SPARCL1: variants seen among roughly 807,000 people sequenced by gnomAD.
SPARCL1 encodes SPARC like 1, also known as SPARC-like protein 1.
In SPARCL1, 52 loss-of-function variants were observed where a neutral mutation model predicts 67.1. The ratio of observed to expected loss-of-function variants is 0.78; its 90% CI spans 0.62 to 0.98. SPARCL1 has a LOEUF of 0.98. Among genes scored for constraint, SPARCL1 ranks in the 50% least tolerant of loss-of-function variants. SPARCL1 has a pLI of 0.00. For synonymous variants in SPARCL1, 226 were observed against 267.8 expected (o/e 0.84, Z 1.52); for missense variants, 717 against 782.4 (o/e 0.92, Z 1.00).
chr4:87,501,503 G>A (rs1336361664), intron 1 of SPARCL1, among the ~76,000 whole-genome samples: 5 of 151,862 alleles, frequency 3.3e-5, no homozygotes, highest in Non-Finnish European at 5.9e-5. Flanking sequence ...TTCTAGATTG[G>A]AGTATTTTTT....
At chr4:87,484,714 ATTTG>A (rs1723980877) in intron 7 of SPARCL1, among the ~76,000 whole-genome samples, 1 of 152,130 alleles carries the variant, frequency 6.6e-6, no homozygotes, top group Non-Finnish European at 1.5e-5. Context: ...ATCCATGAGC[ATTTG>A]TTTGTGTCCT....
At chr4:87,509,482 C>T (rs1261330915) in intron 1 of SPARCL1, among the ~76,000 whole-genome samples, 1 of 152,132 alleles carries the variant, frequency 6.6e-6, no homozygotes, top group African/African-American at 2.4e-5. Flanking sequence ...GAAGGTAATT[C>T]TTGATCTGAG....
At chr4:87,486,886 T>G (rs1430264396) in intron 7 of SPARCL1, among the ~76,000 whole-genome samples, 2 of 130,722 alleles carry the variant, frequency 1.5e-5, no homozygotes, top group African/African-American at 2.8e-5. Flanking sequence ...TTGCAATTCC[T>G]GCTTTTTTTT....
chr4:87,508,881 G>C (rs1049007868), intron 1 of SPARCL1, among the ~76,000 whole-genome samples: 11 of 83,206 alleles, frequency 1.3e-4, no homozygotes, highest in Non-Finnish European at 2.0e-4. Context: ...ATAGATACAT[G>C]TATATAAGTA....
At chr4:87,507,030 T>C (rs1419445688) in intron 1 of SPARCL1, among the ~76,000 whole-genome samples, 2 of 152,186 alleles carry the variant, frequency 1.3e-5, no homozygotes, top group African/African-American at 4.8e-5. Flanking sequence ...AATAAACAAC[T>C]TAGATTCTCA....
At chr4:87,509,129 A>T (rs1487883797) in intron 1 of SPARCL1, among the ~76,000 whole-genome samples, 1 of 150,714 alleles carries the variant, frequency 6.6e-6, no homozygotes, top group Admixed American at 6.6e-5. Context: ...TAATGTGATG[A>T]TTATGTACAT....
At chr4:87,523,176 G>A (rs1381065506) in intron 1 of SPARCL1, among the ~76,000 whole-genome samples, 3 of 151,666 alleles carry the variant, frequency 2.0e-5, no homozygotes, top group Non-Finnish European at 4.4e-5. Flanking sequence ...CAGAAGAATT[G>A]CTCCAGCCCA....
chr4:87,481,028 G>A (rs1723801122), intron 8 of SPARCL1, among the ~76,000 whole-genome samples: 1 of 152,080 alleles, frequency 6.6e-6, no homozygotes. Context: ...CTGTTTCATA[G>A]CTAATACCCT....
At chr4:87,506,621 AC>A (rs575785242) in intron 1 of SPARCL1, among the ~76,000 whole-genome samples, 205 of 152,258 alleles carry the variant, frequency 1.3e-3, no homozygotes, top group African/African-American at 4.9e-3. Flanking sequence ...AGGCCTTCAG[AC>A]TTGGACTAGA....
chr4:87,490,468 A>C, intron 6 of SPARCL1, 75 bp from the exon 7 acceptor site: 495 of 1,498,916 alleles, frequency 3.3e-4, no homozygotes, highest in Non-Finnish European at 4.1e-4. Flanking sequence ...CTTAAAGCTC[A>C]TATGCTGATA....
chr4:87,474,705 C>T (rs917003342), intron 10 of SPARCL1, among the ~76,000 whole-genome samples: 10 of 150,158 alleles, frequency 6.7e-5, no homozygotes, highest in Admixed American at 6.6e-4. Context: ...ACAGTGCCTG[C>T]ATTTATGTAG....
Position 87,480,369 on chromosome 4 carries a change from T to C in SPARCL1, c.1817+3A>G, listed in dbSNP as rs1166631353. The C allele has an allele frequency of 1.3e-6, 2 of 1,586,928 alleles. No homozygotes were observed. The highest frequency in any genetic ancestry group is 8.6e-7 in the Non-Finnish European group (1 of 1,168,698). On this transcript the variant is annotated splice_donor_region_variant and intron_variant, in intron 9 of 10. Coordinates refer to ENST00000282470, the MANE Select transcript of SPARCL1 (RefSeq NM_004684.6). Reference sequence around the variant, plus strand: ...TAGAAATGGAAAGGTAAAGAGTTCTTACCTATCCATAGGGTGTTGGTCAAG... The same window carrying C: ...TAGAAATGGAAAGGTAAAGAGTTCTCACCTATCCATAGGGTGTTGGTCAAG...
intron 7 of SPARCL1, among the ~76,000 whole-genome samples, chr4:87,487,516 G>A (rs533644927): frequency 6.6e-6 from 1 of 152,278 alleles, no homozygotes; most frequent in Admixed American, 6.5e-5. Flanking sequence ...CTGTCTGGCT[G>A]CCCTTAACAT....
chr4:87,481,458 A>T (rs1342205945), intron 8 of SPARCL1, among the ~76,000 whole-genome samples: 1 of 152,164 alleles, frequency 6.6e-6, no homozygotes, highest in Non-Finnish European at 1.5e-5. Flanking sequence ...GATTGTCTAT[A>T]CTTGCTGCAT....
chr4:87,527,198 G>A (rs1001207828), intron 1 of SPARCL1, among the ~76,000 whole-genome samples: 1 of 152,096 alleles, frequency 6.6e-6, no homozygotes, highest in Non-Finnish European at 1.5e-5. Context: ...TGCTATCATC[G>A]CTAACTCAGC....
intron 1 of SPARCL1, among the ~76,000 whole-genome samples, chr4:87,503,909 G>A (rs1244196001): frequency 6.6e-6 from 1 of 151,712 alleles, no homozygotes; most frequent in African/African-American, 2.4e-5. Context: ...CGAACTCCTG[G>A]CCTCAACTGG....
At position 87,494,354 on chromosome 4, in the gene SPARCL1, G is replaced by A; in HGVS notation, c.446C>T (p.Thr149Ile). The A allele has an allele frequency of 6.2e-7, 1 of 1,614,170 alleles. No homozygotes were observed. Among genetic ancestry groups the A allele is most frequent in the African/African-American group, 1.3e-5 (1 of 75,034 alleles). Reference sequence around the variant, plus strand: ...GATACTTTCTTGTTGGTTAGAATCTGTGAAGGAACTAACACCAGGAGCCAA... The same window carrying A: ...GATACTTTCTTGTTGGTTAGAATCTATGAAGGAACTAACACCAGGAGCCAA... ...DFLAPGVSSFTDSNQQESITK... is the reference protein window; with the variant it reads ...DFLAPGVSSFIDSNQQESITK... Residue 149 changes from threonine to isoleucine, a missense_variant, in exon 4 of 11, where the codon ACA becomes ATA. Coordinates refer to ENST00000282470, the MANE Select transcript of SPARCL1 (RefSeq NM_004684.6).
intron 7 of SPARCL1, among the ~76,000 whole-genome samples, chr4:87,485,772 C>A (rs1724030697): frequency 6.6e-6 from 1 of 152,086 alleles, no homozygotes; most frequent in African/African-American, 2.4e-5. Flanking sequence ...AGGGATTCAA[C>A]TTCTTCCTGA....
intron 1 of SPARCL1, among the ~76,000 whole-genome samples, chr4:87,500,739 C>T (rs1249750908): frequency 6.6e-6 from 1 of 152,076 alleles, no homozygotes; most frequent in Non-Finnish European, 1.5e-5. Context: ...TTAAATATTA[C>T]TCTAGGGATT....
Sources: gnomAD v4.1 joint callset for allele counts (sites outside exome capture counted in the v4.1 genomes callset) on GRCh38, gnomAD v4.1.1 for gene constraint, MANE v1.5 for transcripts, NCBI Gene and HGNC (gene_info 2026-07-23, HGNC 2026-07-21) for gene names.